NAV2: variants seen among roughly 807,000 people sequenced by gnomAD.
NAV2 encodes helicase, APC down-regulated 1.
NAV2 carries 54 observed loss-of-function variants against 223.2 expected under a neutral mutation model. That is an observed-to-expected ratio of 0.24 (90% CI 0.19 to 0.30). The LOEUF (loss-of-function observed/expected upper bound fraction) is 0.30, where lower values mean the gene tolerates loss of function less well. Among genes scored for constraint, NAV2 ranks in the 10% least tolerant of loss-of-function variants. The pLI is 1.00. For synonymous variants in NAV2, 1,279 were observed against 1,239.3 expected, an observed-to-expected ratio of 1.03 and a Z score of -0.67; for missense variants, 2,806 against 3,147.5, an observed-to-expected ratio of 0.89 and a Z score of 2.60.
At chr11:19,609,088 T>C (rs2046559990) in intron 1 of NAV2, among the ~76,000 whole-genome samples, 1 of 152,216 alleles carries the variant, frequency 6.6e-6, no homozygotes, top group African/African-American at 2.4e-5. Flanking sequence ...TTTAATCACA[T>C]CTGCAAAATT....
intron 6 of NAV2, among the ~76,000 whole-genome samples, chr11:19,927,236 T>C (rs922580047): frequency 6.6e-6 from 1 of 152,200 alleles, no homozygotes; most frequent in East Asian, 1.9e-4. Flanking sequence ...AAGCTGGTCT[T>C]TTAGAACTGA....
intron 1 of NAV2, among the ~76,000 whole-genome samples, chr11:19,607,863 G>T (rs2046524200): frequency 6.6e-6 from 1 of 152,132 alleles, no homozygotes; most frequent in African/African-American, 2.4e-5. Flanking sequence ...CAAGATAACT[G>T]ACCACAGAAC....
chr11:19,554,904 G>A (rs575470333), intron 1 of NAV2, among the ~76,000 whole-genome samples: 9 of 150,362 alleles, frequency 6.0e-5, no homozygotes, highest in South Asian at 2.1e-4. Context: ...CTGAGATCGC[G>A]TCATTGCACT....
At chr11:19,709,403 A>G (rs545736288), upstream of NAV2, among the ~76,000 whole-genome samples, 7 of 151,824 alleles carry the variant, frequency 4.6e-5, no homozygotes, top group South Asian at 2.1e-4. Context: ...TTAGCTGGGC[A>G]TGGTGGCGGG....
intron 1 of NAV2, among the ~76,000 whole-genome samples, chr11:19,655,074 G>A (rs929148077): frequency 7.2e-5 from 11 of 152,292 alleles, no homozygotes; most frequent in African/African-American, 2.4e-4. Flanking sequence ...ATCAACAAGT[G>A]GGTGAAGGAT....
At chr11:19,502,926 G>A (rs1489757047) in intron 1 of NAV2, 1 of 152,182 alleles carries the variant, frequency 6.6e-6, no homozygotes, top group African/African-American at 2.4e-5. Flanking sequence ...TGTCCACATT[G>A]TGTTAGTTGA....
At chr11:19,658,908 A>G (rs1165486081) in intron 1 of NAV2, among the ~76,000 whole-genome samples, 1 of 152,208 alleles carries the variant, frequency 6.6e-6, no homozygotes, top group Non-Finnish European at 1.5e-5. Context: ...AAAGTTATAG[A>G]GTCAGGAAGC....
At chr11:20,068,426 C>T (rs768166704) in intron 22 of NAV2, 28 bp downstream of exon 22, 26 of 1,570,310 alleles carry the variant, frequency 1.7e-5, no homozygotes, top group African/African-American at 9.5e-5. Context: ...GCAGTAGCAT[C>T]GGGACAGGAA....
intron 1 of NAV2, among the ~76,000 whole-genome samples, chr11:19,658,505 C>G (rs776242719): frequency 6.6e-6 from 1 of 152,118 alleles, no homozygotes; most frequent in Non-Finnish European, 1.5e-5. Flanking sequence ...CTTTTACTTA[C>G]CAGCCATAGT....
intron 1 of NAV2, among the ~76,000 whole-genome samples, chr11:19,826,656 G>A (rs1262347204): frequency 6.6e-6 from 1 of 152,154 alleles, no homozygotes; most frequent in East Asian, 1.9e-4. Context: ...TGAGAGCTGG[G>A]GACAGGGAGG....
chr11:19,419,225 T>C (rs749138648), intron 1 of NAV2, among the ~76,000 whole-genome samples: 12 of 152,216 alleles, frequency 7.9e-5, no homozygotes, highest in Non-Finnish European at 1.5e-4. Context: ...GTTGTTGAAA[T>C]GCTGTTTCAC....
intron 11 of NAV2, among the ~76,000 whole-genome samples, chr11:20,031,587 T>TG: frequency 6.6e-6 from 1 of 152,324 alleles, no homozygotes; most frequent in South Asian, 2.1e-4. Context: ...TCAGTATGGC[T>TG]GGATGTGGGC....
intron 10 of NAV2, among the ~76,000 whole-genome samples, chr11:19,970,889 T>C (rs1364987108): frequency 1.3e-5 from 2 of 152,226 alleles, no homozygotes; most frequent in Non-Finnish European, 2.9e-5. Flanking sequence ...AGATCTAATG[T>C]TCTGTAGTTC....
chr11:19,964,440 C>T (rs976644953), intron 10 of NAV2, among the ~76,000 whole-genome samples: 14 of 151,850 alleles, frequency 9.2e-5, no homozygotes, highest in Non-Finnish European at 1.6e-4. Context: ...GTTTATTGAA[C>T]ACTTTTAAAT....
intron 1 of NAV2, among the ~76,000 whole-genome samples, chr11:19,589,175 A>G (rs896187626): frequency 6.6e-6 from 1 of 152,230 alleles, no homozygotes; most frequent in Non-Finnish European, 1.5e-5. Context: ...CTAAGATGAT[A>G]TGGTTACAAA....
At chr11:19,729,775 G>A (rs1206379884) in intron 1 of NAV2, among the ~76,000 whole-genome samples, 2 of 152,168 alleles carry the variant, frequency 1.3e-5, no homozygotes, top group East Asian at 1.9e-4. Context: ...GGGGACCCAT[G>A]TTCCATGATA....
At chr11:19,472,396 C>T (rs1391967736) in intron 1 of NAV2, among the ~76,000 whole-genome samples, 3 of 151,870 alleles carry the variant, frequency 2.0e-5, no homozygotes, top group East Asian at 1.9e-4. Flanking sequence ...AGAGTTGTCC[C>T]GAGAATTCAG....
At chr11:19,939,853 A>G (rs2046253255) in intron 8 of NAV2, 80 bp downstream of exon 8, 1 of 926,074 alleles carries the variant, frequency 1.1e-6, no homozygotes, top group African/African-American at 1.7e-5. Flanking sequence ...GCATGAACCC[A>G]GCTTGATTAC....
chr11:19,985,868 G>A (rs1208000406), intron 11 of NAV2, among the ~76,000 whole-genome samples: 4 of 152,060 alleles, frequency 2.6e-5, no homozygotes, highest in Admixed American at 6.6e-5. Flanking sequence ...GAGCCACTGC[G>A]CCCGGGCTGA....
Sources: gnomAD v4.1 joint callset for allele counts (sites outside exome capture counted in the v4.1 genomes callset) on GRCh38, gnomAD v4.1.1 for gene constraint, MANE v1.5 for transcripts, NCBI Gene and HGNC (gene_info 2026-07-23, HGNC 2026-07-21) for gene names.